PARD3: variants seen among roughly 807,000 people sequenced by gnomAD.
PARD3 encodes partitioning defective 3 homolog.
PARD3 carries 75 observed loss-of-function variants against 155.4 expected under a neutral mutation model. The observed-to-expected ratio is 0.48, with a 90% CI of 0.40 to 0.58. The LOEUF (loss-of-function observed/expected upper bound fraction) is 0.58, where lower values mean the gene tolerates loss of function less well. Among genes scored for constraint, PARD3 ranks in the 20% least tolerant of loss-of-function variants. The pLI is 0.00. For synonymous variants in PARD3, 576 were observed against 610.5 expected (o/e 0.94, Z 0.83); for missense variants, 1,642 against 1,721.7 (o/e 0.95, Z 0.82).
chr10:34,340,661 T>C (rs1024806478), intron 16 of PARD3, among the ~76,000 whole-genome samples: 4 of 152,178 alleles, frequency 2.6e-5, no homozygotes, highest in African/African-American at 9.7e-5. Flanking sequence ...TGTGTGTTCA[T>C]GTGGAGAGTC....
chr10:34,645,843 A>G (rs1396292244), intron 2 of PARD3, among the ~76,000 whole-genome samples: 1 of 152,244 alleles, frequency 6.6e-6, no homozygotes, highest in African/African-American at 2.4e-5. Context: ...ACGTGTTACT[A>G]TATCTGACAT....
intron 20 of PARD3, among the ~76,000 whole-genome samples, chr10:34,300,234 C>G (rs921420830): frequency 2.0e-5 from 3 of 151,938 alleles, no homozygotes; most frequent in Non-Finnish European, 4.4e-5. Flanking sequence ...GAAGCATTCA[C>G]GAATCTTGGA....
intron 2 of PARD3, among the ~76,000 whole-genome samples, chr10:34,576,663 CTG>C (rs1564370915): frequency 6.6e-6 from 1 of 152,116 alleles, no homozygotes; most frequent in Non-Finnish European, 1.5e-5. Context: ...AAGGAGATGA[CTG>C]TGTGAATTTA....
intron 1 of PARD3, among the ~76,000 whole-genome samples, chr10:34,801,553 C>A (rs1009185390): frequency 9.2e-5 from 14 of 152,106 alleles, no homozygotes; most frequent in African/African-American, 3.4e-4. Context: ...TGTGAATGAG[C>A]CTTCAAGACG....
chr10:34,508,568 A>C (rs2081220652), intron 3 of PARD3, among the ~76,000 whole-genome samples: 1 of 152,200 alleles, frequency 6.6e-6, no homozygotes, highest in African/African-American at 2.4e-5. Context: ...AGAGTGAAAA[A>C]GTCATACACA....
chr10:34,457,767 ATTT>A (rs1171474572), intron 4 of PARD3, among the ~76,000 whole-genome samples: 1 of 152,046 alleles, frequency 6.6e-6, no homozygotes. Flanking sequence ...CACTCAGCTA[ATTT>A]TTTAACTTTT....
intron 22 of PARD3, among the ~76,000 whole-genome samples, chr10:34,167,005 T>C (rs1483927630): frequency 6.6e-6 from 1 of 152,184 alleles, no homozygotes; most frequent in Non-Finnish European, 1.5e-5. Context: ...TAAAGACGCA[T>C]GACCAATTTG....
At chr10:34,524,002 ATC>A (rs1254972819) in intron 2 of PARD3, among the ~76,000 whole-genome samples, 2 of 152,024 alleles carry the variant, frequency 1.3e-5, no homozygotes, top group African/African-American at 4.8e-5. Context: ...CCCTTTTTCT[ATC>A]TCTTATTTTT....
At chr10:34,119,457 TAAGGA>T (rs1946862057) in intron 24 of PARD3, among the ~76,000 whole-genome samples, 151 bp downstream of exon 24, 2 of 152,090 alleles carry the variant, frequency 1.3e-5, no homozygotes, top group South Asian at 4.1e-4. Flanking sequence ...CCCCCCACGC[TAAGGA>T]ACAGTAGCCA....
intron 2 of PARD3, chr10:34,663,782 T>C (rs2093383811): frequency 6.6e-6 from 1 of 151,812 alleles, no homozygotes; most frequent in Non-Finnish European, 1.5e-5. Flanking sequence ...CCCTCAGTTT[T>C]TGTTATTCCC....
At chr10:34,314,194 A>G (rs1012152381) in intron 20 of PARD3, among the ~76,000 whole-genome samples, 17 of 77,624 alleles carry the variant, frequency 2.2e-4, no homozygotes, top group Middle Eastern at 7.7e-3. Flanking sequence ...TTGTTAGGAG[A>G]AAAAAAAAAA....
chr10:34,479,536 C>A (rs2078938307), intron 3 of PARD3, among the ~76,000 whole-genome samples: 1 of 152,136 alleles, frequency 6.6e-6, no homozygotes, highest in African/African-American at 2.4e-5. Context: ...TCAAGGCCTG[C>A]CGCAATCGAG....
intron 2 of PARD3, among the ~76,000 whole-genome samples, chr10:34,598,175 A>G (rs1365042886): frequency 1.3e-5 from 2 of 152,182 alleles, no homozygotes; most frequent in Admixed American, 1.3e-4. Flanking sequence ...TAGGACACTG[A>G]AGAAGAGAAG....
intron 16 of PARD3, among the ~76,000 whole-genome samples, chr10:34,339,810 C>T (rs1053417026): frequency 1.3e-5 from 2 of 152,118 alleles, no homozygotes; most frequent in Non-Finnish European, 2.9e-5. Flanking sequence ...TAATTCTTCC[C>T]TATCAATATT....
At chr10:34,601,775 G>A (rs1382087509) in intron 2 of PARD3, among the ~76,000 whole-genome samples, 2 of 152,096 alleles carry the variant, frequency 1.3e-5, no homozygotes, top group African/African-American at 4.8e-5. Context: ...CAATGATAAA[G>A]AAATACAACT....
At chr10:34,277,734 CG>C (rs1465624276) in intron 21 of PARD3, among the ~76,000 whole-genome samples, 1 of 151,996 alleles carries the variant, frequency 6.6e-6, no homozygotes, top group Non-Finnish European at 1.5e-5. Flanking sequence ...AAATACAAAA[CG>C]GTTAAAAGTT....
chr10:34,370,466 G>A (rs868618967), intron 12 of PARD3, among the ~76,000 whole-genome samples: 1 of 152,080 alleles, frequency 6.6e-6, no homozygotes, highest in African/African-American at 2.4e-5. Flanking sequence ...TTTTGGTAGA[G>A]ATGAGGTCTC....
intron 22 of PARD3, among the ~76,000 whole-genome samples, chr10:34,250,827 A>G (rs1008668800): frequency 6.6e-6 from 1 of 152,182 alleles, no homozygotes; most frequent in Non-Finnish European, 1.5e-5. Context: ...GGCAGATTTT[A>G]TTTAAATATA....
At chr10:34,159,286 T>C (rs1390208134) in intron 22 of PARD3, among the ~76,000 whole-genome samples, 7 of 152,218 alleles carry the variant, frequency 4.6e-5, no homozygotes, top group East Asian at 1.9e-4. Flanking sequence ...CTACTGCTAC[T>C]CATGGGCTGT....
Sources: allele counts gnomAD v4.1 joint callset (sites outside exome capture counted in the v4.1 genomes callset), GRCh38; gene constraint gnomAD v4.1.1; transcripts MANE v1.5; gene names NCBI Gene and HGNC (gene_info 2026-07-23, HGNC 2026-07-21).